Variants in DTNB observed in about 807,000 individuals in gnomAD.
The protein encoded by DTNB is dystrobrevin beta.
A neutral mutation model predicts 90.7 loss-of-function variants in DTNB; 63 were observed. The observed-to-expected ratio is 0.69, with a 90% CI of 0.57 to 0.86. The LOEUF (loss-of-function observed/expected upper bound fraction) is 0.86, where lower values mean the gene tolerates loss of function less well. Among genes scored for constraint, DTNB ranks in the 40% least tolerant of loss-of-function variants. The pLI is 0.00. For synonymous variants in DTNB, 277 were observed against 286.7 expected (o/e 0.97, Z 0.34); for missense variants, 744 against 807.1 (o/e 0.92, Z 0.95).
At chr2:25,531,279 G>C (rs1361131494) in intron 9 of DTNB, among the ~76,000 whole-genome samples, 194 bp downstream of exon 9, 2 of 152,192 alleles carry the variant, frequency 1.3e-5, no homozygotes, top group Non-Finnish European at 2.9e-5. Context: ...CAGCAATCAG[G>C]AGCTAGATTT....
At chr2:25,533,750 AATCT>A (rs1053173122) in intron 8 of DTNB, among the ~76,000 whole-genome samples, 11 of 151,926 alleles carry the variant, frequency 7.2e-5, no homozygotes, top group African/African-American at 2.4e-4. Flanking sequence ...TCCCTTTCCC[AATCT>A]ATCTTTCTGT....
chr2:25,601,231 A>T (rs1465340468), intron 5 of DTNB, among the ~76,000 whole-genome samples: 1 of 152,196 alleles, frequency 6.6e-6, no homozygotes, highest in Non-Finnish European at 1.5e-5. Context: ...CTAGTACTCT[A>T]ATTAAATAAA....
At position 25,570,637 on chromosome 2, in the gene DTNB, G is replaced by A. The variant is rs12465699; in HGVS notation, c.876+6201C>T. ...TTGACTGTTGGCAGCATTTGACACA[G>A]TTGATCACTTCCTCCTCCTCAAAAC... On this transcript the variant is annotated intron_variant, in intron 8 of 20. Transcript: ENST00000406818. Among the ~76,000 whole-genome samples, 66 of 152,222 alleles carry A rather than the reference G, an allele frequency of 4.3e-4. 1 individual carries two copies. Among genetic ancestry groups the A allele is most frequent in the Admixed American group, 4.3e-3 (65 of 15,286 alleles).
At chr2:25,517,800 C>G (rs1405272587) in intron 9 of DTNB, among the ~76,000 whole-genome samples, 2 of 152,130 alleles carry the variant, frequency 1.3e-5, no homozygotes, top group Non-Finnish European at 2.9e-5. Context: ...TATGTAGGTA[C>G]CACATCTTAC....
chr2:25,511,579 G>A (rs1221826774), intron 9 of DTNB, among the ~76,000 whole-genome samples: 1 of 152,128 alleles, frequency 6.6e-6, no homozygotes, highest in Non-Finnish European at 1.5e-5. Flanking sequence ...TGATCCACCT[G>A]CCTCGGCCTC....
intron 8 of DTNB, among the ~76,000 whole-genome samples, chr2:25,561,608 G>A (rs757292977): frequency 6.6e-6 from 1 of 152,166 alleles, no homozygotes; most frequent in Non-Finnish European, 1.5e-5. Flanking sequence ...CCTCAAGAAT[G>A]GTTTAGTGCC....
intron 1 of DTNB, among the ~76,000 whole-genome samples, chr2:25,658,427 C>T (rs1308367003): frequency 3.3e-5 from 5 of 152,130 alleles, no homozygotes; most frequent in African/African-American, 4.8e-5. Context: ...TAGGTGTTTG[C>T]TCAATTGAGT....
chr2:25,638,982 A>T (rs780352577), intron 3 of DTNB, 32 bp downstream of exon 3: 2 of 1,535,158 alleles, frequency 1.3e-6, no homozygotes, highest in Non-Finnish European at 1.8e-6. Context: ...AACTCTATCC[A>T]GCTATCACAG....
chr2:25,579,976 C>CTT (rs59639406), intron 7 of DTNB, among the ~76,000 whole-genome samples: 67 of 52,948 alleles, frequency 1.3e-3, no homozygotes, highest in Non-Finnish European at 1.5e-3. Flanking sequence ...AGTATCCTTT[C>CTT]TTTTTTTTTT....
intron 4 of DTNB, 143 bp downstream of exon 4, chr2:25,628,028 G>T: frequency 2.3e-6 from 2 of 862,862 alleles, no homozygotes; most frequent in Non-Finnish European, 3.6e-6. Flanking sequence ...GAGCTACCGT[G>T]CCCAGCCAAT....
At chr2:25,384,806 T>C (rs1477094598) in intron 18 of DTNB, among the ~76,000 whole-genome samples, 1 of 152,206 alleles carries the variant, frequency 6.6e-6, no homozygotes, top group East Asian at 1.9e-4. Flanking sequence ...GCTGGAAATA[T>C]TCAGAGGACT....
chr2:25,585,310 T>C (rs2062182621), intron 6 of DTNB, among the ~76,000 whole-genome samples: 1 of 152,342 alleles, frequency 6.6e-6, no homozygotes, highest in Non-Finnish European at 1.5e-5. Context: ...ATTCTTCATT[T>C]CTAATCCTTT....
intron 9 of DTNB, among the ~76,000 whole-genome samples, chr2:25,485,377 TG>T (rs1157451894): frequency 2.6e-5 from 4 of 152,106 alleles, no homozygotes; most frequent in Admixed American, 6.6e-5. Context: ...AGAGGAAAAA[TG>T]AGAATAAAAA....
intron 2 of DTNB, among the ~76,000 whole-genome samples, chr2:25,649,285 G>A (rs753111409): frequency 4.6e-5 from 7 of 152,080 alleles, no homozygotes; most frequent in South Asian, 2.1e-4. Context: ...CATTATAGGC[G>A]TGAGCCACCA....
At chr2:25,555,073 G>A (rs983092297) in intron 8 of DTNB, among the ~76,000 whole-genome samples, 5 of 151,884 alleles carry the variant, frequency 3.3e-5, no homozygotes, top group Non-Finnish European at 7.4e-5. Context: ...GAGGTGGGCG[G>A]ATCACGAAGT....
At chr2:25,503,748 A>C (rs1190185939) in intron 9 of DTNB, among the ~76,000 whole-genome samples, 2 of 151,234 alleles carry the variant, frequency 1.3e-5, no homozygotes, top group African/African-American at 4.9e-5. Context: ...CCCCATCTCT[A>C]CTAAAAACAA....
Position 25,424,859 on chromosome 2 carries a change from G to T in DTNB, c.1554+2676C>A, listed in dbSNP as rs1312530363. Among the ~76,000 whole-genome samples the T allele has an allele frequency of 1.3e-5, 2 of 152,024 alleles. No individual in the cohort carries two copies. The highest frequency in any genetic ancestry group is 4.8e-5 in the African/African-American group (2 of 41,404). ...ATTTTTGTGTTTTTAGTAGAGATGG[G>T]GTTTTGCCATGTCAGCCAGGCTGAA... On this transcript the variant is annotated intron_variant, in intron 15 of 20. Transcript: ENST00000406818. This position sits in a 1 kb window ranked among gnomAD's most constrained non-coding sequence, Gnocchi z 4.1.
chr2:25,524,776 C>A (rs542335899), intron 9 of DTNB, among the ~76,000 whole-genome samples: 7 of 152,282 alleles, frequency 4.6e-5, no homozygotes, highest in Admixed American at 4.6e-4. Context: ...CACCATCGAA[C>A]CACTGCCCAG....
At chr2:25,642,053 C>CTCA (rs1322552498) in intron 2 of DTNB, among the ~76,000 whole-genome samples, 1 of 152,192 alleles carries the variant, frequency 6.6e-6, no homozygotes, top group Non-Finnish European at 1.5e-5. Flanking sequence ...ATCTCCTGAC[C>CTCA]TCATGATCCA....
Sources: gnomAD v4.1 joint callset for allele counts (sites outside exome capture counted in the v4.1 genomes callset) on GRCh38, gnomAD v4.1.1 for gene constraint, Gnocchi (gnomAD v3.1) non-coding constraint, MANE v1.5 for transcripts, NCBI Gene and HGNC (gene_info 2026-07-23, HGNC 2026-07-21) for gene names.